FARP1: variants seen among roughly 807,000 people sequenced by gnomAD.
FARP1 encodes the protein FERM, ARHGEF and pleckstrin domain-containing protein 1.
A neutral mutation model predicts 128.8 loss-of-function variants in FARP1; 52 were observed. The observed-to-expected ratio is 0.40, with a 90% CI of 0.32 to 0.51. The LOEUF is 0.51. Ranked by LOEUF, FARP1 falls within the 20% of genes least tolerant of loss-of-function variation. The pLI is 0.45. For missense variants in FARP1, 1,333 were observed against 1,367.9 expected (o/e 0.97, Z 0.40); for synonymous variants, 580 against 551.8 (o/e 1.05, Z -0.72).
intron 2 of FARP1, among the ~76,000 whole-genome samples, chr13:98,315,357 T>A (rs932888751): frequency 1.3e-5 from 2 of 152,102 alleles, no homozygotes; most frequent in Non-Finnish European, 2.9e-5. Context: ...GCCCCGCCTC[T>A]GCCTCCCAAA....
chr13:98,387,628 C>T lies in FARP1; in HGVS notation c.760-755C>T, dbSNP rs146905423. 2.4e-3 allele frequency among the ~76,000 whole-genome samples: 372 copies of T among 152,286 alleles called. 4 individuals are homozygous for T. The highest frequency in any genetic ancestry group is 8.2e-3 in the African/African-American group (340 of 41,558). On this transcript the variant is annotated intron_variant, in intron 8 of 26. Coordinates refer to ENST00000319562, the MANE Select transcript of FARP1 (RefSeq NM_005766.4). ...GACTGGGCAGATGGGAGTTGGTATC[C>T]GGCAGCTCCCCGTTGTTTCTCCACC...
chr13:98,438,241 T>C (rs1357439655), intron 19 of FARP1, among the ~76,000 whole-genome samples: 1 of 152,164 alleles, frequency 6.6e-6, no homozygotes, highest in African/African-American at 2.4e-5. Flanking sequence ...TCAACGCAGT[T>C]ACTGCTCATT....
chr13:98,395,190 C>A, intron 12 of FARP1, 37 bp from the exon 13 acceptor site: 2 of 1,559,360 alleles, frequency 1.3e-6, no homozygotes, highest in South Asian at 2.4e-5. Flanking sequence ...TCTCCCTCTT[C>A]TCTATCTCTC....
intron 16 of FARP1, among the ~76,000 whole-genome samples, chr13:98,420,836 A>G (rs1891566335): frequency 6.6e-6 from 1 of 152,210 alleles, no homozygotes; most frequent in Admixed American, 6.5e-5. Flanking sequence ...CGTTCATAAT[A>G]GAAGGAACAC....
chr13:98,210,035 TAAA>T (rs372991520), intron 1 of FARP1, among the ~76,000 whole-genome samples: 19 of 150,866 alleles, frequency 1.3e-4, no homozygotes, highest in South Asian at 6.3e-4. Context: ...TAATAAAAAA[TAAA>T]AAAAACTTTG....
chr13:98,320,881 C>G (rs370213690), intron 2 of FARP1, among the ~76,000 whole-genome samples: 1 of 152,138 alleles, frequency 6.6e-6, no homozygotes, highest in Non-Finnish European at 1.5e-5. Flanking sequence ...CTATCTCCTC[C>G]GAGTCACTCA....
At chr13:98,154,314 T>C (rs1410886915) in intron 1 of FARP1, among the ~76,000 whole-genome samples, 2 of 152,250 alleles carry the variant, frequency 1.3e-5, no homozygotes, top group Non-Finnish European at 2.9e-5. Flanking sequence ...TTGTCAGCAC[T>C]TGGTATCGTA....
At chr13:98,440,519 T>G in intron 23 of FARP1, 151 bp from the exon 24 acceptor site, 1 of 724,678 alleles carries the variant, frequency 1.4e-6, no homozygotes, top group Non-Finnish European at 2.2e-6. Flanking sequence ...TGACTGGAGC[T>G]GCAGGGTCCA....
At chr13:98,178,016 CTG>C (rs1173342993) in intron 1 of FARP1, 2 of 152,056 alleles carry the variant, frequency 1.3e-5, no homozygotes, top group African/African-American at 4.8e-5. Flanking sequence ...TATTAAAAGA[CTG>C]TCATATCACA....
Position 98,244,931 on chromosome 13 carries a change from G to T in FARP1, c.171+31518G>T. The T allele has an allele frequency of 2.9e-6, 4 of 1,366,186 alleles. No individual in the cohort carries two copies. The South Asian group carries it at 6.9e-5, about 23-fold the overall frequency. 84.6% of individuals were successfully genotyped at this position (1,366,186 alleles called of 1,614,324 possible). On this transcript the variant is annotated intron_variant, in intron 2 of 26. Coordinates refer to ENST00000319562, the MANE Select transcript of FARP1 (RefSeq NM_005766.4). ...CCAGGAGGCTTGGTTTGATCTACTA[G>T]ATTTGGTGCCTCTTAAAGGGAAGCA...
chr13:98,417,458 A>G (rs1409163085), intron 16 of FARP1, among the ~76,000 whole-genome samples: 3 of 87,268 alleles, frequency 3.4e-5, no homozygotes, highest in South Asian at 3.6e-4. Context: ...GAGGTTTGAA[A>G]AAAAAAAAAA....
intron 2 of FARP1, among the ~76,000 whole-genome samples, chr13:98,224,547 A>AG (rs919614292): frequency 9.2e-4 from 1 of 1,086 alleles, no homozygotes; most frequent in Non-Finnish European, 1.4e-3. Context: ...AAAAAAAAAG[A>AG]AAAAAAAAAA....
intron 13 of FARP1, among the ~76,000 whole-genome samples, chr13:98,408,000 G>C (rs367859558): frequency 6.6e-6 from 1 of 152,160 alleles, no homozygotes; most frequent in African/African-American, 2.4e-5. Context: ...TTTTCCCTTA[G>C]AGATCTTCAG....
chr13:98,294,446 G>A (rs1219732879), intron 2 of FARP1, among the ~76,000 whole-genome samples: 1 of 152,128 alleles, frequency 6.6e-6, no homozygotes, highest in African/African-American at 2.4e-5. Context: ...TTTGTATCAT[G>A]TCATGCAGTG....
At chr13:98,304,861 T>C (rs919815039) in intron 2 of FARP1, among the ~76,000 whole-genome samples, 7 of 152,238 alleles carry the variant, frequency 4.6e-5, no homozygotes, top group African/African-American at 1.7e-4. Context: ...TGGAACATGC[T>C]GTTCATATCT....
intron 3 of FARP1, among the ~76,000 whole-genome samples, chr13:98,358,947 C>G (rs563069101): frequency 1.3e-5 from 2 of 152,250 alleles, no homozygotes; most frequent in South Asian, 2.1e-4. Flanking sequence ...CTTTCTTTTT[C>G]TTTTAGGAGT....
At chr13:98,213,129 C>T in intron 1 of FARP1, 91 bp from the exon 2 acceptor site, 1 of 1,020,446 alleles carries the variant, frequency 9.8e-7, no homozygotes, top group Non-Finnish European at 1.4e-6. Context: ...GATGGAGCCC[C>T]CTGCCCACCT....
chr13:98,390,865 A>C lies in FARP1; in HGVS notation c.1073A>C (p.Lys358Thr). The C allele has an allele frequency of 1.9e-6, 3 of 1,613,262 alleles. No homozygotes were observed. Among genetic ancestry groups the C allele is most frequent in the Non-Finnish European group, 2.5e-6 (3 of 1,179,246 alleles). ...TATGTTAAAGAAGGAGGACATAAGA[A>C]GGTGCAGTTTGAAAGGTAAGAGAAG... ...LDYVKEGGHKKVQFERKHSKI... is the reference protein window; with the variant it reads ...LDYVKEGGHKTVQFERKHSKI... The change falls in exon 11 of 27, where the codon AAG becomes ACG. Residue 358 changes from lysine to threonine, a missense_variant. Lys to Thr is a moderately conservative substitution (Grantham distance 78, BLOSUM62 -1). Coordinates refer to ENST00000319562, the MANE Select transcript of FARP1 (RefSeq NM_005766.4).
chr13:98,160,539 A>G (rs935972289), intron 1 of FARP1, among the ~76,000 whole-genome samples: 3 of 152,238 alleles, frequency 2.0e-5, no homozygotes, highest in African/African-American at 7.2e-5. Flanking sequence ...AGGTCATTGT[A>G]GAAACATGGA....
Sources: allele counts gnomAD v4.1 joint callset (sites outside exome capture counted in the v4.1 genomes callset), GRCh38; gene constraint gnomAD v4.1.1; transcripts MANE v1.5; gene names NCBI Gene and HGNC (gene_info 2026-07-23, HGNC 2026-07-21).